The following SIGLEC11 variants were observed in gnomAD, a reference collection of about 807,000 sequenced individuals.
SIGLEC11 encodes the protein sialic acid binding Ig like lectin 11.
A neutral mutation model predicts 61.2 loss-of-function variants in SIGLEC11; 47 were observed. The ratio of observed to expected loss-of-function variants is 0.77; its 90% CI spans 0.61 to 0.98. The LOEUF (loss-of-function observed/expected upper bound fraction) is 0.98, where lower values mean the gene tolerates loss of function less well. SIGLEC11 is among the 50% of genes least tolerant of loss of function. SIGLEC11 has a pLI of 0.00. For missense variants in SIGLEC11, 610 were observed against 870.3 expected, an observed-to-expected ratio of 0.70 and a Z score of 3.76; for synonymous variants, 278 against 373.1, an observed-to-expected ratio of 0.75 and a Z score of 2.94.
intron 8 of SIGLEC11, among the ~76,000 whole-genome samples, chr19:49,953,311 A>G (rs1054654616): frequency 3.3e-5 from 5 of 152,120 alleles, no homozygotes; most frequent in Non-Finnish European, 7.4e-5. Context: ...GACCCATCCC[A>G]TAGGGATGGA....
At chr19:49,957,534 A>AG (rs1402386884) in intron 8 of SIGLEC11, among the ~76,000 whole-genome samples, 1 of 152,192 alleles carries the variant, frequency 6.6e-6, no homozygotes, top group Non-Finnish European at 1.5e-5. Context: ...GAAAAAAAAA[A>AG]AAAGACAAAT....
intron 8 of SIGLEC11, among the ~76,000 whole-genome samples, chr19:49,957,520 T>A (rs1600615467): frequency 1.3e-5 from 2 of 150,668 alleles, no homozygotes; most frequent in African/African-American, 2.4e-5. Flanking sequence ...AGAGCAAGGT[T>A]AAAGAAAAAA....
intron 10 of SIGLEC11, among the ~76,000 whole-genome samples, chr19:49,950,626 A>G (rs972395876): frequency 6.6e-6 from 1 of 152,186 alleles, no homozygotes; most frequent in African/African-American, 2.4e-5. Flanking sequence ...CTCTGACTCC[A>G]GTGCCCGCTG....
Position 49,958,523 on chromosome 19 carries a change from G to A in SIGLEC11, c.1411C>T (p.Leu471=), listed in dbSNP as rs1421442878. 2 of 1,599,608 alleles carry A rather than the reference G, an allele frequency of 1.3e-6. No individual in the cohort carries two copies. The highest frequency in any genetic ancestry group is 1.7e-6 in the Non-Finnish European group (2 of 1,173,304). The change falls in exon 8 of 11, where the codon CTG becomes TTG. Residue 471 remains leucine (L), a synonymous_variant. Coordinates refer to ENST00000447370, the MANE Select transcript of SIGLEC11 (RefSeq NM_052884.3). The part of the protein sequence containing the change: ...GPSCSWEAEG[L]HCSCSSQASP... ...GCCTGGGAGGAGCAGCTGCAGTGCA[G>A]ACCCTCAGCCTCCCAGGAGCAGGAG...
At position 49,951,919 on chromosome 19, in the gene SIGLEC11, A is replaced by G. The variant is rs2076160385; in HGVS notation, c.1802T>C (p.Val601Ala). ...ARKRAAAEQD[V>A]PSTLGPISQG... ...GGAGATGGGTCCCAGGGTGGAGGGC[A>G]CGTCCTGCTCAGCTGCTGCCCTCTT... Residue 601 changes from valine to alanine, a missense_variant, in exon 10 of 11, where the codon GTG becomes GCG. Around this residue, in one of 6 missense-constraint regions of SIGLEC11, gnomAD observed 432 missense variants for 441.5 expected, o/e 0.98. Transcript: ENST00000447370. This position sits in a 1 kb window ranked among gnomAD's most constrained non-coding sequence, Gnocchi z 4.6. 1 of 1,609,954 alleles carries G rather than the reference A, an allele frequency of 6.2e-7. No homozygotes were observed.
Position 49,955,732 on chromosome 19 carries a change from A to T in SIGLEC11, c.1651+2551T>A, listed in dbSNP as rs777303174. ...GACAGATCACAGGGTCAGGAGATTG[A>T]GACCATCCTGGCTAACACTGTGAAA... On this transcript the variant is annotated intron_variant, in intron 8 of 10. Transcript: ENST00000447370. The surrounding 1 kb of genome is among the most constrained non-coding windows in gnomAD (Gnocchi z 4.5). Among the ~76,000 whole-genome samples the T allele has an allele frequency of 6.6e-6, 1 of 152,116 alleles. No homozygotes were observed. Among genetic ancestry groups the T allele is most frequent in the Non-Finnish European group, 1.5e-5 (1 of 68,032 alleles).
intron 8 of SIGLEC11, among the ~76,000 whole-genome samples, chr19:49,954,033 C>A (rs2076178120): frequency 1.3e-5 from 2 of 152,138 alleles, no homozygotes; most frequent in South Asian, 4.1e-4. Context: ...TGATAGGGGT[C>A]TGAGGACAGC....
In SIGLEC11 at chr19:49,953,001, C is replaced by T. The variant is rs549640226; in HGVS notation, c.1652-607G>A. 8.1e-4 allele frequency among the ~76,000 whole-genome samples: 123 copies of T among 152,182 alleles called. 1 individual carries two copies. The highest frequency in any genetic ancestry group is 1.7e-3 in the Non-Finnish European group (118 of 68,028). On this transcript the variant is annotated intron_variant, in intron 8 of 10. Coordinates refer to ENST00000447370, the MANE Select transcript of SIGLEC11 (RefSeq NM_052884.3). ...CGGTTTGCACCTAAAATAAACAATC[C>T]TCCTGTTCTCCGTATCGGTCTCACC...
intron 8 of SIGLEC11, 50 bp downstream of exon 8, chr19:49,958,233 G>A: frequency 6.2e-7 from 1 of 1,600,084 alleles, no homozygotes; most frequent in Middle Eastern, 1.7e-4. Flanking sequence ...CATCTTTCTA[G>A]GATCCTGTCT....
At chr19:49,956,979 A>T (rs976103182) in intron 8 of SIGLEC11, among the ~76,000 whole-genome samples, 22 of 152,324 alleles carry the variant, frequency 1.4e-4, no homozygotes, top group Non-Finnish European at 3.2e-4. Flanking sequence ...AAAAATAAAA[A>T]AATTAGCCCA....
chr19:49,958,444 T>A lies in SIGLEC11; in HGVS notation c.1490A>T (p.Asn497Ile). 6.2e-7 allele frequency: 1 copy of A among 1,613,656 alleles called. No individual in the cohort carries two copies. The highest frequency in any genetic ancestry group is 8.5e-7 in the Non-Finnish European group (1 of 1,179,928). ...WWLGEELLEG[N>I]SSQGSFEVTP... ...GACCTCGAAGGAGCCCTGACTGCTG[T>A]TCCCCTCCAGCAGCTCCTCCCCAAG... The change falls in exon 8 of 11, where the codon AAC (asparagine) becomes ATC (isoleucine). Residue 497 changes from asparagine (N) to isoleucine (I), a missense_variant. By Grantham distance (149) the Asn-to-Ile change is moderately radical. This residue lies in a region of SIGLEC11 where 432 missense variants were observed against 441.5 expected (regional missense o/e 0.98). Transcript: ENST00000447370.
intron 8 of SIGLEC11, among the ~76,000 whole-genome samples, chr19:49,954,619 C>A (rs117126572): frequency 6.6e-6 from 1 of 152,156 alleles, no homozygotes; most frequent in Non-Finnish European, 1.5e-5. Context: ...ATACTCCCTC[C>A]TACATGGAGA....
chr19:49,949,521 T>G lies in SIGLEC11; in HGVS notation c.*449A>C, dbSNP rs1412566408. ...ACCATAGACACGATGCCTCAAAGTG[T>G]CATCTTCAAACTCGCTCTGAATTGA... is the stretch of plus-strand genomic sequence containing the variant. On this transcript the variant is annotated 3_prime_UTR_variant, in exon 11 of 11. Transcript: ENST00000447370. The G allele has an allele frequency of 6.6e-6, 1 of 152,294 alleles. No individual in the cohort carries two copies. The highest frequency in any genetic ancestry group is 1.5e-5 in the Non-Finnish European group (1 of 68,194). The allele number at this position is 152,294 out of a possible 1,614,324, so 9.4% of individuals were successfully genotyped here. A position where few individuals can be genotyped will look rare whatever the true frequency, so the allele number is the denominator to read the frequency against.
rs1046322567 is a variant in SIGLEC11 at position 49,954,313 on chromosome 19, A to T, written c.1652-1919T>A. 3.3e-5 allele frequency among the ~76,000 whole-genome samples: 5 copies of T among 152,166 alleles called. 1 individual carries two copies. The highest frequency in any genetic ancestry group is 3.3e-4 in the Admixed American group (5 of 15,266). On this transcript the variant is annotated intron_variant, in intron 8 of 10. Coordinates refer to ENST00000447370, the MANE Select transcript of SIGLEC11 (RefSeq NM_052884.3). ...CCTACCCCCCTTTACTGAGGCCAAC[A>T]GCCCTCCAGGAACCAAATTCAGGAG...
At chr19:49,959,274 A>C (rs1600619549) in intron 5 of SIGLEC11, 86 bp downstream of exon 5, 2 of 1,565,412 alleles carry the variant, frequency 1.3e-6, no homozygotes, top group African/African-American at 3.0e-5. Context: ...GGGGTTCAAG[A>C]CCCCCTCAGC....
In SIGLEC11 at chr19:49,958,841, G is replaced by A; in HGVS notation, c.1165C>T (p.Leu389=). ...GGGCTGCTGTGGGTGACACAGACCA[G>A]GCGCAGGCTTTGGCCCTCCAGGACC... ...LPVLEGQSLR[L]VCVTHSSPPA... Residue 389 remains leucine (L), a synonymous_variant, in exon 7 of 11, where the codon CTG becomes TTG. Coordinates refer to ENST00000447370, the MANE Select transcript of SIGLEC11 (RefSeq NM_052884.3). The A allele has an allele frequency of 2.5e-6, 4 of 1,610,872 alleles. No homozygotes were observed. The highest frequency in any genetic ancestry group is 3.4e-6 in the Non-Finnish European group (4 of 1,178,234).
At position 49,960,744 on chromosome 19, in the gene SIGLEC11, T is replaced by G. The variant is rs750545865; in HGVS notation, c.268A>C (p.Asn90His). Residue 90 changes from asparagine (N) to histidine (H), a missense_variant, in exon 2 of 11, where the codon AAC becomes CAC. Coordinates refer to ENST00000447370, the MANE Select transcript of SIGLEC11 (RefSeq NM_052884.3). ...CTCATTTCCACCTCTCGACTCTGGTTGTTAGTGGCCACAGGAGCACCCGTC... is the reference window on the plus strand; with the variant it reads ...CTCATTTCCACCTCTCGACTCTGGTGGTTAGTGGCCACAGGAGCACCCGTC... The part of the protein sequence containing the change: ...PKTGAPVATN[N>H]QSREVEMSTR... The G allele has an allele frequency of 6.2e-7, 1 of 1,613,250 alleles. No homozygotes were observed. Among genetic ancestry groups the G allele is most frequent in the Non-Finnish European group, 8.5e-7 (1 of 1,179,990 alleles).
At position 49,952,378 on chromosome 19, in the gene SIGLEC11, C is replaced by T; in HGVS notation, c.1668G>A (p.Gly556=). Residue 556 remains glycine, a synonymous_variant, in exon 9 of 11, where the codon GGG becomes GGA. Transcript: ENST00000447370. ...FQLLPGKLEH[G]GGLGLGAALG... is the part of the protein sequence containing the mutation. ...GGGCAGCCCCCAGGCCAAGTCCTCC[C>T]CCATGCTCCAGCTTCCCTGCATGGG... 6.2e-7 allele frequency: 1 copy of T among 1,607,334 alleles called. No individual in the cohort carries two copies.
chr19:49,958,317 C>A lies in SIGLEC11; in HGVS notation c.1617G>T (p.Gly539=). The change falls in exon 8 of 11, where the codon GGG becomes GGT. Residue 539 remains glycine (G), a synonymous_variant. Transcript: ENST00000447370. ...GCTGGAAGACAGAGCCACTCTGGGC[C>A]CCGTGGACGTTCCAGGCCTTACAGC... ...RLRCKAWNVH[G]AQSGSVFQLL... 6.2e-7 allele frequency: 1 copy of A among 1,614,212 alleles called. No individual in the cohort carries two copies.
Sources: allele counts gnomAD v4.1 joint callset (sites outside exome capture counted in the v4.1 genomes callset), GRCh38; gene constraint gnomAD v4.1.1; regional missense constraint gnomAD v4.1.1; non-coding constraint Gnocchi (gnomAD v3.1); transcripts MANE v1.5; gene names NCBI Gene and HGNC (gene_info 2026-07-23, HGNC 2026-07-21).